Variants in SLC30A8 observed in about 807,000 individuals in gnomAD.
The protein encoded by SLC30A8 is proton-coupled zinc antiporter SLC30A8.
Under a neutral mutation model 36.9 loss-of-function variants are expected in SLC30A8, and 27 were observed. The observed-to-expected ratio is 0.73, with a 90% CI of 0.54 to 1.01. SLC30A8 has a LOEUF of 1.01. Among genes scored for constraint, SLC30A8 ranks in the 50% least tolerant of loss-of-function variants. The pLI, the probability that SLC30A8 is intolerant of heterozygous loss-of-function variation, is 0.00. For synonymous variants in SLC30A8, 164 were observed against 172.4 expected (o/e 0.95, Z 0.38); for missense variants, 439 against 452.0 (o/e 0.97, Z 0.26).
chr8:117,168,505 C>CCAAGTAAAAGAAAGTTCTAGGATG (rs1303331571), intron 6 of SLC30A8, among the ~76,000 whole-genome samples: 1 of 152,072 alleles, frequency 6.6e-6, no homozygotes. Flanking sequence ...AGACTCCCCC[C>CCAAGTAAAAGAAAGTTCTAGGATG]CAAGTAAAAG....
intron 2 of SLC30A8, among the ~76,000 whole-genome samples, chr8:117,092,515 A>T (rs1016733898): frequency 6.6e-6 from 1 of 152,186 alleles, no homozygotes; most frequent in Admixed American, 6.5e-5. Context: ...GCCTGGCAAA[A>T]TTTTTAGCTA....
In SLC30A8 at chr8:117,138,067, A is replaced by G. The variant is rs1053249667; in HGVS notation, c.71+2669A>G. 1.1e-4 allele frequency among the ~76,000 whole-genome samples: 17 copies of G among 150,190 alleles called. No individual in the cohort carries two copies. The South Asian group carries it at 1.9e-3, about 17-fold the overall frequency. The stretch of plus-strand genomic sequence containing the variant: ...GCTTTGGGTTCATTGTAGCAAAAAA[A>G]AAAAAAAAAAAAAGAAAAAGAAAAA... On this transcript the variant is annotated intron_variant, in intron 1 of 7. Coordinates refer to ENST00000456015, the MANE Select transcript of SLC30A8 (RefSeq NM_173851.3).
intron 1 of SLC30A8, among the ~76,000 whole-genome samples, chr8:117,027,171 C>G (rs1283789521): frequency 6.6e-6 from 1 of 152,092 alleles, no homozygotes. Flanking sequence ...ACTGAAAGGG[C>G]ATGTGTTTGG....
At chr8:117,141,320 CA>C (rs577358845) in intron 1 of SLC30A8, among the ~76,000 whole-genome samples, 341 of 152,176 alleles carry the variant, frequency 2.2e-3, no homozygotes, top group African/African-American at 8.0e-3. Context: ...AAATTACGAA[CA>C]ATGATAAAAT....
At chr8:117,140,742 A>C (rs1013896102) in intron 1 of SLC30A8, among the ~76,000 whole-genome samples, 5 of 152,132 alleles carry the variant, frequency 3.3e-5, no homozygotes, top group African/African-American at 1.2e-4. Context: ...TCAGTAAAGA[A>C]AGCAATAGTA....
chr8:116,997,831 A>G (rs890871142), intron 1 of SLC30A8, among the ~76,000 whole-genome samples: 9 of 152,338 alleles, frequency 5.9e-5, no homozygotes, highest in Admixed American at 2.6e-4. Flanking sequence ...GGAGCCATAT[A>G]TAGTGCCAGA....
intron 1 of SLC30A8, among the ~76,000 whole-genome samples, chr8:116,953,590 C>G (rs1405356338): frequency 6.6e-6 from 1 of 152,154 alleles, no homozygotes; most frequent in African/African-American, 2.4e-5. Context: ...CATCTCATCT[C>G]TACTTCCTGT....
At chr8:117,062,864 A>G (rs1818063656) in intron 2 of SLC30A8, among the ~76,000 whole-genome samples, 1 of 152,204 alleles carries the variant, frequency 6.6e-6, no homozygotes, top group South Asian at 2.1e-4. Flanking sequence ...GTTTTCGTCC[A>G]CAGTGGTCTT....
At chr8:117,022,298 C>T (rs1816724242) in intron 1 of SLC30A8, among the ~76,000 whole-genome samples, 1 of 151,920 alleles carries the variant, frequency 6.6e-6, no homozygotes, top group African/African-American at 2.4e-5. Flanking sequence ...AAACACTAAC[C>T]ATCAGGGGAA....
In SLC30A8 at chr8:117,106,190, A is replaced by G. The variant is rs1433278187; in HGVS notation, c.-225-29090A>G. 2.0e-5 allele frequency among the ~76,000 whole-genome samples: 3 copies of G among 152,204 alleles called. No homozygotes were observed. In the East Asian group the frequency reaches 5.8e-4, roughly 29 times the overall value. Reference sequence around the variant, plus strand: ...AAATTTATAATCTGTACTACTTAATAGTAGCCACTAGCCACATGTGGTTTT... The same window carrying G: ...AAATTTATAATCTGTACTACTTAATGGTAGCCACTAGCCACATGTGGTTTT... On this transcript the variant is annotated intron_variant, in intron 2 of 10. Coordinates refer to the SLC30A8 transcript ENST00000427715.
intron 2 of SLC30A8, among the ~76,000 whole-genome samples, chr8:117,082,540 C>CA (rs1317563753): frequency 1.3e-5 from 2 of 152,094 alleles, no homozygotes; most frequent in African/African-American, 4.8e-5. Flanking sequence ...GAAGATCCAA[C>CA]AAAAGGCAGT....
intron 2 of SLC30A8, among the ~76,000 whole-genome samples, chr8:117,071,989 A>G (rs560905661): frequency 9.9e-5 from 15 of 152,096 alleles, no homozygotes; most frequent in African/African-American, 2.9e-4. Flanking sequence ...TAACTCTTAC[A>G]GACTGTATTT....
chr8:116,961,987 G>A (rs1219806198), intron 1 of SLC30A8, among the ~76,000 whole-genome samples: 1 of 151,834 alleles, frequency 6.6e-6, no homozygotes, highest in African/African-American at 2.4e-5. Flanking sequence ...TGAATTTCTG[G>A]GGAACACATT....
At chr8:117,126,994 T>C (rs1413337797) in intron 2 of SLC30A8, among the ~76,000 whole-genome samples, 1 of 151,942 alleles carries the variant, frequency 6.6e-6, no homozygotes, top group Non-Finnish European at 1.5e-5. Context: ...TAACTGAAGC[T>C]TACTCTTGAG....
intron 2 of SLC30A8, among the ~76,000 whole-genome samples, chr8:117,088,099 G>A (rs1010271530): frequency 5.9e-5 from 9 of 151,814 alleles, no homozygotes; most frequent in African/African-American, 2.2e-4. Flanking sequence ...TGGAGGGAGA[G>A]AGAAAGAGAA....
intron 5 of SLC30A8, among the ~76,000 whole-genome samples, chr8:117,163,173 C>CT (rs1036575176): frequency 2.0e-5 from 3 of 152,148 alleles, no homozygotes; most frequent in Non-Finnish European, 4.4e-5. Flanking sequence ...AATATTCTTC[C>CT]TTTTAGTTCT....
At chr8:116,973,233 G>A (rs1814851810) in intron 1 of SLC30A8, among the ~76,000 whole-genome samples, 2 of 152,196 alleles carry the variant, frequency 1.3e-5, no homozygotes, top group South Asian at 2.1e-4. Flanking sequence ...ATAAGCCACC[G>A]AGTTTGTGGT....
intron 2 of SLC30A8, among the ~76,000 whole-genome samples, chr8:117,048,970 C>G (rs1817631865): frequency 6.6e-6 from 1 of 152,178 alleles, no homozygotes; most frequent in Admixed American, 6.5e-5. Context: ...TCAATTTCTA[C>G]CAATGTTGGC....
At chr8:117,017,605 C>T (rs1247656164) in intron 1 of SLC30A8, among the ~76,000 whole-genome samples, 1 of 145,446 alleles carries the variant, frequency 6.9e-6, no homozygotes, top group Non-Finnish European at 1.5e-5. Context: ...GGAATTGACA[C>T]TAGTTCAGGC....
Sources: allele counts gnomAD v4.1 joint callset (sites outside exome capture counted in the v4.1 genomes callset), GRCh38; gene constraint gnomAD v4.1.1; transcripts MANE v1.5; gene names NCBI Gene and HGNC (gene_info 2026-07-23, HGNC 2026-07-21).